C2CD3: variants seen among roughly 807,000 people sequenced by gnomAD.
C2CD3 encodes the protein C2 domain-containing protein 3.
C2CD3 carries 148 observed loss-of-function variants against 234.0 expected under a neutral mutation model. The ratio of observed to expected loss-of-function variants is 0.63; its 90% CI spans 0.55 to 0.72. The LOEUF is 0.72. C2CD3 is among the 30% of genes least tolerant of loss of function. The pLI is 0.00. For synonymous variants in C2CD3, 1,000 were observed against 1,035.4 expected, an observed-to-expected ratio of 0.97 and a Z score of 0.66; for missense variants, 2,577 against 2,811.5, an observed-to-expected ratio of 0.92 and a Z score of 1.89.
At chr11:74,125,699 T>C (rs1957391431) in intron 7 of C2CD3, among the ~76,000 whole-genome samples, 1 of 152,110 alleles carries the variant, frequency 6.6e-6, no homozygotes, top group Admixed American at 6.5e-5. Context: ...TATTGCACCT[T>C]TTTTCTTATA....
At chr11:74,020,619 C>T (rs1726764) in intron 32 of C2CD3, among the ~76,000 whole-genome samples, 86,942 of 152,080 alleles carry the variant, frequency 0.57, 25,752 homozygotes, top group African/African-American at 0.74. Context: ...AGGCAGTTGG[C>T]AGGAGTTGGA....
chr11:74,065,747 GTTCATGT>G (rs1332138140), intron 24 of C2CD3, among the ~76,000 whole-genome samples: 1 of 151,924 alleles, frequency 6.6e-6, no homozygotes, highest in African/African-American at 2.4e-5. Context: ...AAAAGGATGA[GTTCATGT>G]CCTTTGTAAG....
intron 16 of C2CD3, among the ~76,000 whole-genome samples, chr11:74,097,089 T>C (rs1236785012): frequency 6.6e-6 from 1 of 150,646 alleles, no homozygotes; most frequent in East Asian, 2.0e-4. Context: ...GTGGAGGTTG[T>C]AGTGAGCTGA....
intron 28 of C2CD3, among the ~76,000 whole-genome samples, chr11:74,043,493 T>A (rs1466620254): frequency 1.3e-5 from 2 of 150,142 alleles, no homozygotes; most frequent in East Asian, 3.8e-4. Context: ...CTTTTGGGCA[T>A]AAAACTAGAA....
At chr11:74,075,828 T>C (rs897452515) in intron 23 of C2CD3, among the ~76,000 whole-genome samples, 1 of 152,136 alleles carries the variant, frequency 6.6e-6, no homozygotes, top group African/African-American at 2.4e-5. Context: ...GAATAAAACA[T>C]GGAAGTAAGG....
chr11:74,087,384 C>T (rs924641488), intron 20 of C2CD3, among the ~76,000 whole-genome samples: 25 of 151,988 alleles, frequency 1.6e-4, no homozygotes, highest in Admixed American at 1.2e-3. Context: ...CCCAACATGA[C>T]GAAACCCCAT....
At chr11:74,134,217 A>G (rs1278568118) in intron 5 of C2CD3, among the ~76,000 whole-genome samples, 1 of 152,258 alleles carries the variant, frequency 6.6e-6, no homozygotes, top group Non-Finnish European at 1.5e-5. Flanking sequence ...AAATTGAGGC[A>G]GAGAGTAGGT....
At chr11:74,132,504 G>A (rs796829794) in intron 7 of C2CD3, among the ~76,000 whole-genome samples, 8 of 152,296 alleles carry the variant, frequency 5.3e-5, no homozygotes, top group African/African-American at 1.9e-4. Flanking sequence ...AGAGATACCT[G>A]CTTAAGGCCA....
chr11:74,083,021 C>A (rs1217678200), intron 22 of C2CD3, among the ~76,000 whole-genome samples: 9 of 152,284 alleles, frequency 5.9e-5, no homozygotes, highest in African/African-American at 2.2e-4. Context: ...CTGGAGGCAT[C>A]ACGCTACCTG....
chr11:74,166,028 C>T (rs1300103715), intron 2 of C2CD3, among the ~76,000 whole-genome samples: 2 of 151,852 alleles, frequency 1.3e-5, no homozygotes, highest in Admixed American at 6.6e-5. Flanking sequence ...CACATCATGT[C>T]GGCCGGGTGC....
At position 74,122,923 on chromosome 11, in the gene C2CD3, G is replaced by A. The variant is rs1957267918; in HGVS notation, c.1365+65C>T. On this transcript the variant is annotated intron_variant, in intron 8 of 32. Transcript: ENST00000334126. ...TGTAAAATGCATAGCTGTCATGCCT[G>A]CAGCTACTAATATTATTAATACATT... is the stretch of plus-strand genomic sequence containing the variant. The A allele has an allele frequency of 6.7e-6, 9 of 1,345,608 alleles. No individual in the cohort carries two copies. The African/African-American group carries it at 8.5e-5, about 13-fold the overall frequency. The allele number at this position is 1,345,608 out of a possible 1,614,324, so 83.4% of individuals were successfully genotyped here.
rs1957953713 is a variant in C2CD3, at chr11:74,138,874, T to C, written c.801A>G (p.Leu267=). ...CTCTGCCTTTCAGAGTTACAGACTCTAAACTCTGTCCTGAATTAAGACTGT... is the reference window on the plus strand; with the variant it reads ...CTCTGCCTTTCAGAGTTACAGACTCCAAACTCTGTCCTGAATTAAGACTGT... ...LQHSLNSGQS[L]ESVTLKGRAP... Residue 267 remains leucine (L), a synonymous_variant, in exon 5 of 33, where the codon TTA becomes TTG. Coordinates refer to ENST00000334126, the MANE Select transcript of C2CD3 (RefSeq NM_001286577.2). 6.2e-7 allele frequency: 1 copy of C among 1,613,300 alleles called. No homozygotes were observed. Among genetic ancestry groups the C allele is most frequent in the South Asian group, 1.1e-5 (1 of 91,056 alleles).
chr11:74,055,344 T>C (rs1444200904), intron 25 of C2CD3, among the ~76,000 whole-genome samples: 1 of 152,052 alleles, frequency 6.6e-6, no homozygotes, highest in Non-Finnish European at 1.5e-5. Flanking sequence ...GAAGCTGAAG[T>C]GGAATCCACT....
chr11:74,049,508 G>A lies in C2CD3; in HGVS notation c.5190C>T (p.Asp1730=), dbSNP rs200122663. 6.2e-7 allele frequency: 1 copy of A among 1,612,542 alleles called. No homozygotes were observed. Among genetic ancestry groups the A allele is most frequent in the Non-Finnish European group, 8.5e-7 (1 of 1,179,974 alleles). ...GGAAGCCAGAGAGAAGTGGGGAGAG[G>A]TCCACCGAGGCAAAGCCAATCACCC... ...EERVIGFASV[D]LSPLLSGFQF... is the part of the protein sequence containing the mutation. Residue 1730 remains aspartate, a synonymous_variant, in exon 27 of 33, where the codon GAC becomes GAT. Transcript: ENST00000334126.
chr11:74,147,127 G>A (rs1855260838), intron 3 of C2CD3, among the ~76,000 whole-genome samples: 2 of 151,946 alleles, frequency 1.3e-5, no homozygotes. Context: ...TTGCTAACTG[G>A]AAAGCAGGCC....
At chr11:74,036,254 G>C (rs1952738677) in intron 30 of C2CD3, 1 of 334,886 alleles carries the variant, frequency 3.0e-6, no homozygotes, top group South Asian at 2.4e-5. Flanking sequence ...CATCTGTTTT[G>C]CTGTCATACT....
intron 26 of C2CD3, among the ~76,000 whole-genome samples, chr11:74,053,208 T>C (rs1953775958): frequency 6.6e-6 from 1 of 152,252 alleles, no homozygotes; most frequent in South Asian, 2.1e-4. Context: ...TTTACAGCTA[T>C]AAAATTAGAC....
In C2CD3 at chr11:74,065,201, T is replaced by C. The variant is rs180731694; in HGVS notation, c.4952-7657A>G. On this transcript the variant is annotated intron_variant, in intron 24 of 32. Coordinates refer to ENST00000334126, the MANE Select transcript of C2CD3 (RefSeq NM_001286577.2). ...CTAATATCCAGAATCTACAAAGAACTTAAACAAAGTTACAAGAAAAAATCA... is the reference window on the plus strand; with the variant it reads ...CTAATATCCAGAATCTACAAAGAACCTAAACAAAGTTACAAGAAAAAATCA... Among the ~76,000 whole-genome samples the C allele has an allele frequency of 1.3e-3, 199 of 152,244 alleles. 3 individuals are homozygous for C. The highest frequency in any genetic ancestry group is 4.0e-3 in the African/African-American group (167 of 41,548).
At position 74,048,296 on chromosome 11, in the gene C2CD3, A is replaced by G. The variant is rs141407711; in HGVS notation, c.5404T>C (p.Tyr1802His). 1,103 of 1,613,688 alleles carry G rather than the reference A, an allele frequency of 6.8e-4. 1 individual carries two copies. The highest frequency in any genetic ancestry group is 8.5e-4 in the Non-Finnish European group (1,005 of 1,179,796). Residue 1802 changes from tyrosine to histidine, a missense_variant, in exon 28 of 33, where the codon TAT (tyrosine) becomes CAT (histidine). Transcript: ENST00000334126. ...GCCATGTGGCTGGAGAATGCAGCATACGTATCAGAGGCAGGGAAGGAAAAG... is the reference window on the plus strand; with the variant it reads ...GCCATGTGGCTGGAGAATGCAGCATGCGTATCAGAGGCAGGGAAGGAAAAG... ...SPFSFPASDT[Y>H]AAFSSHMARQ...
Sources: allele counts gnomAD v4.1 joint callset (sites outside exome capture counted in the v4.1 genomes callset), GRCh38; gene constraint gnomAD v4.1.1; transcripts MANE v1.5; gene names NCBI Gene and HGNC (gene_info 2026-07-23, HGNC 2026-07-21).